The following VRK2 variants were observed in gnomAD, a reference collection of about 807,000 sequenced individuals.
The protein encoded by VRK2 is VRK serine/threonine kinase 2.
A neutral mutation model predicts 57.6 loss-of-function variants in VRK2; 60 were observed. That is an observed-to-expected ratio of 1.04 (90% CI 0.85 to 1.29). The LOEUF (loss-of-function observed/expected upper bound fraction) is 1.29. Ranked by LOEUF, VRK2 falls within the 50% of genes most tolerant of loss-of-function variation. VRK2 has a pLI of 0.00. For synonymous variants in VRK2, 231 were observed against 199.2 expected, an observed-to-expected ratio of 1.16 and a Z score of -1.35; for missense variants, 705 against 588.1, an observed-to-expected ratio of 1.20 and a Z score of -2.06.
chr2:58,151,262 G>C (rs569273664), intron 12 of VRK2, among the ~76,000 whole-genome samples: 10 of 151,826 alleles, frequency 6.6e-5, no homozygotes, highest in African/African-American at 2.2e-4. Flanking sequence ...TTTTGATGCT[G>C]TTATTAGGTA....
intron 1 of VRK2, among the ~76,000 whole-genome samples, chr2:57,940,358 A>AT (rs928064020): frequency 1.3e-5 from 2 of 152,096 alleles, no homozygotes; most frequent in African/African-American, 4.8e-5. Flanking sequence ...CCTGTCCTCC[A>AT]TTTTTTTGTT....
At chr2:57,957,271 T>G (rs1310610064) in intron 1 of VRK2, among the ~76,000 whole-genome samples, 2 of 152,134 alleles carry the variant, frequency 1.3e-5, no homozygotes, top group African/African-American at 4.8e-5. Flanking sequence ...TTAAATTAAT[T>G]TTCTCTTGTA....
chr2:57,955,789 G>A (rs1180429138), intron 1 of VRK2, among the ~76,000 whole-genome samples: 1 of 152,088 alleles, frequency 6.6e-6, no homozygotes, highest in Non-Finnish European at 1.5e-5. Context: ...TACTGTGAGA[G>A]ATTAGCAATG....
At chr2:57,936,537 T>G (rs1356766211) in intron 1 of VRK2, among the ~76,000 whole-genome samples, 1 of 151,174 alleles carries the variant, frequency 6.6e-6, no homozygotes, top group African/African-American at 2.4e-5. Context: ...TTTTGTTTTT[T>G]TTTTTTTGAG....
chr2:58,111,241 G>A (rs138701222), intron 7 of VRK2, among the ~76,000 whole-genome samples: 19 of 152,222 alleles, frequency 1.2e-4, no homozygotes, highest in East Asian at 1.9e-4. Flanking sequence ...TCTGTTAAAT[G>A]TTGATAATGA....
intron 1 of VRK2, among the ~76,000 whole-genome samples, chr2:58,001,952 T>A (rs1254443781): frequency 6.6e-6 from 1 of 152,186 alleles, no homozygotes; most frequent in Admixed American, 6.5e-5. Flanking sequence ...TATTCATACC[T>A]TTGTGTGACT....
chr2:58,146,598 G>A (rs1206509320), intron 12 of VRK2, 124 bp downstream of exon 12: 10 of 1,142,444 alleles, frequency 8.8e-6, no homozygotes, highest in Non-Finnish European at 9.5e-6. Context: ...AAATGAGAAG[G>A]GACAGAAAAT....
intron 1 of VRK2, among the ~76,000 whole-genome samples, chr2:57,950,636 C>A (rs955867219): frequency 6.6e-6 from 1 of 152,192 alleles, no homozygotes; most frequent in African/African-American, 2.4e-5. Context: ...AACATTCATT[C>A]TGCTGCTCAT....
chr2:58,073,646 ATATATATT>A lies in VRK2; in HGVS notation c.137-10437_137-10430del, dbSNP rs1276770688. Among the ~76,000 whole-genome samples the A allele has an allele frequency of 2.5e-3, 250 of 98,998 alleles. 1 individual carries two copies. The highest frequency in any genetic ancestry group is 0.011 in the African/African-American group (237 of 22,042). 64.9% of individuals were successfully genotyped at this position (98,998 alleles called of 152,430 possible). On this transcript the variant is annotated intron_variant, in intron 2 of 12. Coordinates refer to ENST00000340157, the MANE Select transcript of VRK2 (RefSeq NM_006296.7). ...GCAGAACTAATAGGATTATATATATATATATATTTATATTTATATTTATATTTATATTT... is the reference window on the plus strand; with the variant it reads ...GCAGAACTAATAGGATTATATATATATATATTTATATTTATATTTATATTT...
At chr2:58,053,037 T>C (rs1031634666) in intron 2 of VRK2, among the ~76,000 whole-genome samples, 6 of 152,194 alleles carry the variant, frequency 3.9e-5, no homozygotes, top group Admixed American at 3.3e-4. Flanking sequence ...AAGCACAGAA[T>C]AGATGTTCAA....
intron 12 of VRK2, among the ~76,000 whole-genome samples, chr2:58,148,250 C>T (rs922993091): frequency 2.0e-5 from 3 of 151,774 alleles, no homozygotes. Flanking sequence ...TGTATTATTG[C>T]GTTTCCAATT....
intron 7 of VRK2, among the ~76,000 whole-genome samples, chr2:58,110,384 A>G (rs1278098465): frequency 6.6e-6 from 1 of 152,248 alleles, no homozygotes; most frequent in East Asian, 1.9e-4. Flanking sequence ...TTAACAATAA[A>G]TCAAATGCAT....
At chr2:58,158,218 T>A (rs848292) in intron 12 of VRK2, among the ~76,000 whole-genome samples, 1 of 152,164 alleles carries the variant, frequency 6.6e-6, no homozygotes, top group East Asian at 1.9e-4. Flanking sequence ...TTTATAGGCC[T>A]ACTGGAATAA....
chr2:58,111,168 C>T (rs1435062304), intron 7 of VRK2, among the ~76,000 whole-genome samples: 1 of 152,042 alleles, frequency 6.6e-6, no homozygotes, highest in Non-Finnish European at 1.5e-5. Context: ...ATAACAAAAC[C>T]CTTGGACAGG....
At chr2:58,072,356 A>T (rs895830004) in intron 2 of VRK2, among the ~76,000 whole-genome samples, 2 of 152,086 alleles carry the variant, frequency 1.3e-5, no homozygotes, top group Admixed American at 1.3e-4. Context: ...CAGTCTTAAG[A>T]TGAAAGCATC....
At chr2:58,143,567 G>C (rs1226543004) in intron 11 of VRK2, among the ~76,000 whole-genome samples, 1 of 151,850 alleles carries the variant, frequency 6.6e-6, no homozygotes, top group Non-Finnish European at 1.5e-5. Flanking sequence ...TCTCTTCCAG[G>C]AACTTTCACA....
intron 1 of VRK2, 31 bp downstream of exon 1, chr2:58,046,899 C>G (rs553746256): frequency 2.0e-6 from 2 of 985,254 alleles, no homozygotes; most frequent in Non-Finnish European, 2.4e-6. Flanking sequence ...TCTTGGGTGG[C>G]GGGCGGCACC....
chr2:58,122,129 C>G (rs1182310310), intron 7 of VRK2, among the ~76,000 whole-genome samples: 4 of 152,138 alleles, frequency 2.6e-5, no homozygotes, highest in Non-Finnish European at 5.9e-5. Flanking sequence ...CATTGATGTT[C>G]CATTCATAAA....
chr2:58,120,847 C>T (rs1249356535), intron 7 of VRK2, among the ~76,000 whole-genome samples: 2 of 151,974 alleles, frequency 1.3e-5, no homozygotes, highest in Non-Finnish European at 2.9e-5. Context: ...GGCGTGATCA[C>T]ATTGACCAGC....
Sources: gnomAD v4.1 joint callset for allele counts (sites outside exome capture counted in the v4.1 genomes callset) on GRCh38, gnomAD v4.1.1 for gene constraint, MANE v1.5 for transcripts, NCBI Gene and HGNC (gene_info 2026-07-23, HGNC 2026-07-21) for gene names.